The following BMP7 variants were observed in gnomAD, a reference collection of about 807,000 sequenced individuals.
BMP7 encodes bone morphogenetic protein 7.
BMP7 carries 12 observed loss-of-function variants against 41.2 expected under a neutral mutation model. That is an observed-to-expected ratio of 0.29 (90% CI 0.19 to 0.47). The LOEUF (loss-of-function observed/expected upper bound fraction) is 0.47, where lower values mean the gene tolerates loss of function less well. BMP7 is among the 20% of genes least tolerant of loss of function. The probability of loss-of-function intolerance (pLI) is 0.99; values close to 1 mark genes in which losing one functional copy is unlikely to be tolerated. For missense variants in BMP7, 467 were observed against 606.0 expected, an observed-to-expected ratio of 0.77 and a Z score of 2.41; for synonymous variants, 248 against 250.0, an observed-to-expected ratio of 0.99 and a Z score of 0.07.
In BMP7 at chr20:57,265,844, C is replaced by T. The variant is rs61733434; in HGVS notation, c.279G>A (p.Glu93=). The part of the protein sequence containing the change: ...MLDLYNAMAV[E]EGGGPGGQGF... ...CCTGGCCGCCGGGCCCGCCGCCCTC[C>T]TCCACCGCCATGGCGTTGTACAGGT... is the stretch of plus-strand genomic sequence containing the variant. The change falls in exon 1 of 7, where the codon GAG becomes GAA. Residue 93 remains glutamate (E), a synonymous_variant. Coordinates refer to ENST00000395863, the MANE Select transcript of BMP7 (RefSeq NM_001719.3). 7,939 of 1,607,090 alleles carry T rather than the reference C, an allele frequency of 4.9e-3. 345 individuals carry two copies. The African/African-American group carries it at 0.09, about 18-fold the overall frequency.
At chr20:57,217,545 T>C (rs2426699) in intron 2 of BMP7, among the ~76,000 whole-genome samples, 103,448 of 152,014 alleles carry the variant, frequency 0.68, 36,893 homozygotes, top group African/African-American at 0.91. Flanking sequence ...ACAGCCAGAG[T>C]GTAGGGATTC....
chr20:57,234,031 A>T (rs1479775270), intron 1 of BMP7, among the ~76,000 whole-genome samples: 3 of 152,176 alleles, frequency 2.0e-5, no homozygotes, highest in Non-Finnish European at 4.4e-5. Flanking sequence ...AAGTTGGGGC[A>T]TGGCTCATTA....
intron 4 of BMP7, among the ~76,000 whole-genome samples, chr20:57,181,672 G>T (rs1243458864): frequency 6.6e-6 from 1 of 152,176 alleles, no homozygotes; most frequent in Non-Finnish European, 1.5e-5. Context: ...AAATGCAACT[G>T]GGGGCTCTAG....
At chr20:57,206,277 C>G (rs1461245103) in intron 2 of BMP7, among the ~76,000 whole-genome samples, 33 of 152,274 alleles carry the variant, frequency 2.2e-4, no homozygotes. Context: ...TCACCTTCGC[C>G]ACTGCTGAGA....
At chr20:57,189,283 T>G (rs1184670882) in intron 3 of BMP7, among the ~76,000 whole-genome samples, 1 of 152,212 alleles carries the variant, frequency 6.6e-6, no homozygotes, top group East Asian at 1.9e-4. Context: ...GAGAAGAACG[T>G]AGGCCCTGGA....
chr20:57,180,694 G>T (rs1360226353), intron 4 of BMP7, among the ~76,000 whole-genome samples: 1 of 152,108 alleles, frequency 6.6e-6, no homozygotes, highest in Non-Finnish European at 1.5e-5. Flanking sequence ...TTTTGACTTG[G>T]GAGATCAAAG....
In BMP7 at chr20:57,175,381, C is replaced by A. The variant is rs878932172; in HGVS notation, c.959-374G>T. Among the ~76,000 whole-genome samples, 3 of 152,196 alleles carry A rather than the reference C, an allele frequency of 2.0e-5. No individual in the cohort carries two copies. In the South Asian group the frequency reaches 6.2e-4, roughly 32 times the overall value. On this transcript the variant is annotated intron_variant, in intron 4 of 6. Coordinates refer to ENST00000395863, the MANE Select transcript of BMP7 (RefSeq NM_001719.3). Reference sequence around the variant, plus strand: ...CCACCTCACACAAGGCCACTGCAGGCACCCTGCTCAAAGAGATCTGCTTAT... The same window carrying A: ...CCACCTCACACAAGGCCACTGCAGGAACCCTGCTCAAAGAGATCTGCTTAT...
At chr20:57,263,738 G>A (rs982885027) in intron 1 of BMP7, among the ~76,000 whole-genome samples, 1 of 152,110 alleles carries the variant, frequency 6.6e-6, no homozygotes, top group African/African-American at 2.4e-5. Context: ...AGAGCTCTGC[G>A]TTCATTATTT....
chr20:57,225,284 T>C (rs16984914), intron 2 of BMP7, among the ~76,000 whole-genome samples: 7,963 of 152,112 alleles, frequency 0.052, 672 homozygotes, highest in African/African-American at 0.18. Context: ...GCTTTGTTCC[T>C]ACTGGAAGAT....
chr20:57,242,926 C>A (rs1453386839), intron 1 of BMP7, among the ~76,000 whole-genome samples: 1 of 152,078 alleles, frequency 6.6e-6, no homozygotes, highest in Non-Finnish European at 1.5e-5. Flanking sequence ...TCACTTGAAC[C>A]CAGGAGGCGG....
chr20:57,210,600 C>T (rs1984856527), intron 2 of BMP7, among the ~76,000 whole-genome samples: 1 of 152,202 alleles, frequency 6.6e-6, no homozygotes, highest in Admixed American at 6.5e-5. Context: ...CTGAAACTGC[C>T]CCAGGGCAAA....
At chr20:57,262,821 C>G (rs1032067278) in intron 1 of BMP7, among the ~76,000 whole-genome samples, 1 of 152,118 alleles carries the variant, frequency 6.6e-6, no homozygotes, top group African/African-American at 2.4e-5. Context: ...AATAAACTTG[C>G]CTTTAGAAAA....
Position 57,214,100 on chromosome 20 carries a change from G to A in BMP7, c.612-11477C>T, listed in dbSNP as rs911792968. On this transcript the variant is annotated intron_variant, in intron 2 of 6. Coordinates refer to ENST00000395863, the MANE Select transcript of BMP7 (RefSeq NM_001719.3). This position sits in a 1 kb window ranked among gnomAD's most constrained non-coding sequence, Gnocchi z 4.0. ...AGGTGCGGAGCGAGCCCTCTGAACC[G>A]TATGGTACCTGAGAGGCGAGCACTG... Among the ~76,000 whole-genome samples the A allele has an allele frequency of 3.9e-5, 6 of 152,196 alleles. No homozygotes were observed. Among genetic ancestry groups the A allele is most frequent in the African/African-American group, 1.2e-4 (5 of 41,462 alleles).
intron 2 of BMP7, among the ~76,000 whole-genome samples, chr20:57,219,399 TCCC>T (rs531194618): frequency 0.024 from 544 of 22,670 alleles, 2 homozygotes; most frequent in Middle Eastern, 0.062. Flanking sequence ...TTGACATCCC[TCCC>T]TCCCTCCACC....
At chr20:57,243,161 G>T (rs2066076547) in intron 1 of BMP7, among the ~76,000 whole-genome samples, 1 of 152,172 alleles carries the variant, frequency 6.6e-6, no homozygotes, top group Admixed American at 6.5e-5. Context: ...GAGGGTCCCC[G>T]ACTATGTTCT....
At chr20:57,202,364 G>T in intron 3 of BMP7, 111 bp downstream of exon 3, 1 of 1,422,230 alleles carries the variant, frequency 7.0e-7, no homozygotes, top group Non-Finnish European at 9.6e-7. Context: ...GTACTGGTTG[G>T]GAGGGGCGGG....
intron 1 of BMP7, among the ~76,000 whole-genome samples, chr20:57,230,058 G>A (rs1330124531): frequency 6.6e-6 from 1 of 152,144 alleles, no homozygotes; most frequent in African/African-American, 2.4e-5. Flanking sequence ...GAGAGACCTC[G>A]GGAAGATGAC....
At chr20:57,198,870 T>C (rs1984561474) in intron 3 of BMP7, among the ~76,000 whole-genome samples, 1 of 152,222 alleles carries the variant, frequency 6.6e-6, no homozygotes. Flanking sequence ...ATCCTCCACA[T>C]GCCCATTGTG....
chr20:57,198,002 GT>G (rs1469262474), intron 3 of BMP7, among the ~76,000 whole-genome samples: 1 of 152,066 alleles, frequency 6.6e-6, no homozygotes, highest in African/African-American at 2.4e-5. Context: ...AGGCCACAAG[GT>G]GGGAGGAGCC....
Sources: gnomAD v4.1 joint callset for allele counts (sites outside exome capture counted in the v4.1 genomes callset) on GRCh38, gnomAD v4.1.1 for gene constraint, Gnocchi (gnomAD v3.1) non-coding constraint, MANE v1.5 for transcripts, NCBI Gene and HGNC (gene_info 2026-07-23, HGNC 2026-07-21) for gene names.